Variants in WDR27 observed in about 807,000 individuals in gnomAD.
WDR27 encodes WD repeat domain 27, also known as WD repeat-containing protein 27.
Under a neutral mutation model 114.4 loss-of-function variants are expected in WDR27, and 100 were observed. The ratio of observed to expected loss-of-function variants is 0.87; its 90% CI spans 0.74 to 1.03. The LOEUF (loss-of-function observed/expected upper bound fraction) is 1.03, where lower values mean the gene tolerates loss of function less well. Among genes scored for constraint, WDR27 ranks in the 50% least tolerant of loss-of-function variants. The pLI, the probability that WDR27 is intolerant of heterozygous loss-of-function variation, is 0.00. For synonymous variants in WDR27, 449 were observed against 423.1 expected (o/e 1.06, Z -0.75); for missense variants, 1,129 against 1,092.9 (o/e 1.03, Z -0.47).
At chr6:169,681,603 A>G (rs1342790630) in intron 2 of WDR27, among the ~76,000 whole-genome samples, 2 of 152,074 alleles carry the variant, frequency 1.3e-5, no homozygotes, top group African/African-American at 4.8e-5. Flanking sequence ...GGAATCACAC[A>G]CTCTACTAAC....
intron 25 of WDR27, chr6:169,558,402 G>C (rs2982398): frequency 0.88 from 134,038 of 152,162 alleles, 59,925 homozygotes; most frequent in East Asian, 0.99. Flanking sequence ...TGGAAACAGA[G>C]CCAGGTGCAC....
intron 25 of WDR27, among the ~76,000 whole-genome samples, chr6:169,475,809 G>C (rs777917112): frequency 6.6e-6 from 1 of 151,848 alleles, no homozygotes; most frequent in Non-Finnish European, 1.5e-5. Context: ...TTTTATTTCT[G>C]TGTCTTTGAA....
chr6:169,618,524 T>C (rs909805554), intron 21 of WDR27, among the ~76,000 whole-genome samples: 1 of 145,228 alleles, frequency 6.9e-6, no homozygotes, highest in Non-Finnish European at 1.5e-5. Flanking sequence ...GTTAATACAA[T>C]ACTAAAATGA....
chr6:169,642,471 C>T (rs1370580039), intron 17 of WDR27, among the ~76,000 whole-genome samples: 7 of 152,160 alleles, frequency 4.6e-5, no homozygotes, highest in Admixed American at 3.3e-4. Flanking sequence ...CGAAAGAGGC[C>T]GGCTCAGGGC....
At chr6:169,495,126 A>G (rs961729165) in intron 25 of WDR27, among the ~76,000 whole-genome samples, 3 of 152,226 alleles carry the variant, frequency 2.0e-5, no homozygotes, top group African/African-American at 7.2e-5. Flanking sequence ...GGTAGGTGAT[A>G]GATGGTAGAC....
At position 169,647,789 on chromosome 6, in the gene WDR27, G is replaced by A. The variant is rs777249702; in HGVS notation, c.1641C>T (p.Cys547=). Residue 547 remains cysteine, a synonymous_variant, in exon 16 of 26, where the codon TGC becomes TGT. Transcript: ENST00000448612. ...GTGGCGCACCTGAGTACTGGATGCAGCATACACGTGTGCAGGTGGGGGCGG... is the reference window on the plus strand; with the variant it reads ...GTGGCGCACCTGAGTACTGGATGCAACATACACGTGTGCAGGTGGGGGCGG... The part of the protein sequence containing the change: ...VAAAPTCTRV[C]CIQYSGDGQW... 4 of 1,582,756 alleles carry A rather than the reference G, an allele frequency of 2.5e-6. No homozygotes were observed. In the Admixed American group the frequency reaches 7.2e-5, roughly 29 times the overall value.
At chr6:169,445,118 A>G in the WDR27 span, among the ~76,000 whole-genome samples, 1 of 152,224 alleles carries the variant, frequency 6.6e-6, no homozygotes, top group Non-Finnish European at 1.5e-5. Flanking sequence ...CCACTGAGCT[A>G]AGTAAAAATA....
At chr6:169,458,828 A>G (rs1784587961) in intron 25 of WDR27, among the ~76,000 whole-genome samples, 2 of 152,040 alleles carry the variant, frequency 1.3e-5, no homozygotes, top group African/African-American at 4.8e-5. Context: ...AACAAAAGAA[A>G]GTGACTGTGC....
chr6:169,533,111 C>G (rs550888054), intron 25 of WDR27, among the ~76,000 whole-genome samples: 3 of 152,268 alleles, frequency 2.0e-5, no homozygotes, highest in South Asian at 4.1e-4. Context: ...CAGAGGAAGA[C>G]AGGCTCCCAG....
chr6:169,658,435 T>A (rs1824946940), intron 12 of WDR27, 77 bp from the exon 13 acceptor site: 2 of 1,095,094 alleles, frequency 1.8e-6, no homozygotes, highest in Non-Finnish European at 2.7e-6. Flanking sequence ...ACACACACTT[T>A]AAAGACAGTT....
chr6:169,602,806 AG>A (rs1365956351), intron 22 of WDR27, among the ~76,000 whole-genome samples: 19 of 152,108 alleles, frequency 1.2e-4, no homozygotes, highest in Non-Finnish European at 2.6e-4. Context: ...TGTCCTATGT[AG>A]TATAAATTCT....
chr6:169,537,696 A>G (rs1796352650), intron 25 of WDR27, among the ~76,000 whole-genome samples: 1 of 152,178 alleles, frequency 6.6e-6, no homozygotes, highest in East Asian at 1.9e-4. Flanking sequence ...TAGTGCCAGA[A>G]GAATCACTTG....
chr6:169,501,020 C>A (rs1216136555), intron 25 of WDR27, among the ~76,000 whole-genome samples: 1 of 152,226 alleles, frequency 6.6e-6, no homozygotes, highest in Non-Finnish European at 1.5e-5. Flanking sequence ...TCCTTGCCAC[C>A]AAGGCTCCAG....
chr6:169,695,909 A>G (rs1396200596), intron 1 of WDR27, among the ~76,000 whole-genome samples: 1 of 152,182 alleles, frequency 6.6e-6, no homozygotes, highest in Non-Finnish European at 1.5e-5. Flanking sequence ...CAAGACAGAA[A>G]AAGGACCCAG....
chr6:169,694,569 AAAT>A (rs1222889798), intron 1 of WDR27, among the ~76,000 whole-genome samples: 2 of 152,260 alleles, frequency 1.3e-5, no homozygotes, highest in African/African-American at 4.8e-5. Context: ...ATGTTTTAAA[AAAT>A]AACATTGAAA....
rs1477754673 is a variant in WDR27, at chr6:169,461,655, A to AC, written c.2646-4022_2646-4021insG. ...GCTATAAATGCTTGTATTAAAAAAAAAACAAAACAAGAAGAGCCAAATCAG... is the reference window on the plus strand; with the variant it reads ...GCTATAAATGCTTGTATTAAAAAAAACAACAAAACAAGAAGAGCCAAATCAG... On this transcript the variant is annotated intron_variant, in intron 25 of 25. Coordinates refer to ENST00000448612, the MANE Select transcript of WDR27 (RefSeq NM_182552.5). Among the ~76,000 whole-genome samples, 4 of 151,252 alleles carry AC rather than the reference A, an allele frequency of 2.6e-5. No individual in the cohort carries two copies. In the East Asian group the frequency reaches 7.7e-4, roughly 29 times the overall value.
chr6:169,477,583 C>T (rs1025742945), intron 25 of WDR27, among the ~76,000 whole-genome samples: 4 of 152,160 alleles, frequency 2.6e-5, no homozygotes, highest in Non-Finnish European at 4.4e-5. Context: ...GGACAACAGG[C>T]ATGCACTACC....
intron 24 of WDR27, among the ~76,000 whole-genome samples, chr6:169,578,349 G>A (rs910928427): frequency 2.0e-5 from 3 of 152,210 alleles, no homozygotes; most frequent in Non-Finnish European, 4.4e-5. Flanking sequence ...TCTTATGAAT[G>A]TGAGAGGCCA....
At chr6:169,578,926 G>A (rs1037972912) in intron 24 of WDR27, among the ~76,000 whole-genome samples, 2 of 152,148 alleles carry the variant, frequency 1.3e-5, no homozygotes, top group Admixed American at 6.5e-5. Context: ...GGGAGCTGCC[G>A]TAGACGTCAT....
Sources: gnomAD v4.1 joint callset for allele counts (sites outside exome capture counted in the v4.1 genomes callset) on GRCh38, gnomAD v4.1.1 for gene constraint, MANE v1.5 for transcripts, NCBI Gene and HGNC (gene_info 2026-07-23, HGNC 2026-07-21) for gene names.